PCYT1B: variants seen among roughly 807,000 people sequenced by gnomAD.
PCYT1B encodes the protein phosphate cytidylyltransferase 1B, choline.
A neutral mutation model predicts 26.4 loss-of-function variants in PCYT1B; 10 were observed. The observed-to-expected ratio is 0.38, with a 90% CI of 0.23 to 0.64. PCYT1B has a LOEUF of 0.64. Among genes scored for constraint, PCYT1B ranks in the 30% least tolerant of loss-of-function variants. The probability of loss-of-function intolerance (pLI) is 0.56; values close to 1 mark genes in which losing one functional copy is unlikely to be tolerated. For missense variants in PCYT1B, 161 were observed against 292.7 expected, an observed-to-expected ratio of 0.55 and a Z score of 3.28; for synonymous variants, 131 against 108.4, an observed-to-expected ratio of 1.21 and a Z score of -1.29.
At chrX:24,565,848 T>C (rs1256294371) in intron 7 of PCYT1B, among the ~76,000 whole-genome samples, 6 of 107,561 alleles carry the variant, frequency 5.6e-5, no homozygotes. Flanking sequence ...TTTTGCAAAG[T>C]TTACCTACAA....
chrX:24,645,003 G>A (rs1926579692), intron 1 of PCYT1B, among the ~76,000 whole-genome samples: 1 of 111,517 alleles, frequency 9.0e-6, no homozygotes, highest in Non-Finnish European at 1.9e-5. Context: ...GGTGGAGGTT[G>A]TGGTGAGCCA....
intron 1 of PCYT1B, among the ~76,000 whole-genome samples, chrX:24,660,397 G>A (rs1211932449): frequency 8.9e-6 from 1 of 112,426 alleles, no homozygotes; most frequent in African/African-American, 3.2e-5. Flanking sequence ...CACTAAGGAG[G>A]CCAGGTATGG....
At chrX:24,661,743 A>G (rs1212719927) in intron 1 of PCYT1B, among the ~76,000 whole-genome samples, 1 of 112,646 alleles carries the variant, frequency 8.9e-6, no homozygotes, top group East Asian at 2.8e-4. Context: ...CAATTGCAAT[A>G]TGTACACTGT....
chrX:24,651,472 A>AAAAAAAAAATATAT (rs1555965467), upstream of PCYT1B, among the ~76,000 whole-genome samples: 9 of 26,057 alleles, frequency 3.5e-4, no homozygotes, highest in Admixed American at 6.4e-4. Flanking sequence ...AAAAAAAAAA[A>AAAAAAAAAATATAT]ATATATATAT....
chrX:24,583,942 A>G (rs1028104786), intron 5 of PCYT1B, among the ~76,000 whole-genome samples: 1 of 112,467 alleles, frequency 8.9e-6, no homozygotes, highest in Non-Finnish European at 1.9e-5. Context: ...GATCTGAGGC[A>G]TATCTAAGTT....
At chrX:24,642,969 T>G (rs778763505) in intron 1 of PCYT1B, among the ~76,000 whole-genome samples, 1 of 112,231 alleles carries the variant, frequency 8.9e-6, no homozygotes, top group African/African-American at 3.2e-5. Context: ...CCTGCTAATG[T>G]GGCATGTTGA....
At chrX:24,665,127 T>C (rs1020972486) in intron 1 of PCYT1B, among the ~76,000 whole-genome samples, 6 of 111,444 alleles carry the variant, frequency 5.4e-5, no homozygotes, top group Admixed American at 3.8e-4. Flanking sequence ...TAATAGGCAA[T>C]GCATATGTGT....
chrX:24,596,022 T>C (rs779584376), intron 3 of PCYT1B, among the ~76,000 whole-genome samples: 57 of 112,264 alleles, frequency 5.1e-4, no homozygotes, highest in South Asian at 1.1e-3. Flanking sequence ...TCTATAGTAG[T>C]AGTAGTATGT....
At chrX:24,579,562 G>T in intron 5 of PCYT1B, 104 bp from the exon 6 acceptor site, 1 of 733,282 alleles carries the variant, frequency 1.4e-6, no homozygotes, top group Non-Finnish European at 2.1e-6. Flanking sequence ...GAGCTCCTGG[G>T]TATGCCAATG....
At chrX:24,601,611 A>C (rs765689637) in intron 3 of PCYT1B, among the ~76,000 whole-genome samples, 1 of 111,834 alleles carries the variant, frequency 8.9e-6, no homozygotes, top group African/African-American at 3.2e-5. Flanking sequence ...AAGAAAAAAA[A>C]CAGCTGGATT....
In PCYT1B at chrX:24,559,330, A is replaced by G. The variant is rs1387115900; in HGVS notation, c.*2963T>C. 3 of 108,685 alleles carry G rather than the reference A, an allele frequency of 2.8e-5. No individual in the cohort carries two copies. The highest frequency in any genetic ancestry group is 5.7e-5 in the Non-Finnish European group (3 of 52,405). The allele number at this position is 108,685 out of a possible 1,213,427, so 9.0% of individuals were successfully genotyped here. The stretch of plus-strand genomic sequence containing the variant: ...AAAACTCCATCTCAAAAAAAAAAAA[A>G]AAGAAAGAAAGAAGAAAGAACAAAG... On this transcript the variant is annotated 3_prime_UTR_variant, in exon 8 of 8. Coordinates refer to ENST00000379144, the MANE Select transcript of PCYT1B (RefSeq NM_004845.5).
chrX:24,660,605 G>C (rs1267281079), intron 1 of PCYT1B, among the ~76,000 whole-genome samples: 1 of 107,335 alleles, frequency 9.3e-6, no homozygotes, highest in Admixed American at 1.0e-4. Flanking sequence ...TTGAACCCAG[G>C]AGGTGGAGGT....
intron 2 of PCYT1B, among the ~76,000 whole-genome samples, chrX:24,608,365 C>T (rs1477865924): frequency 2.7e-5 from 3 of 111,738 alleles, no homozygotes; most frequent in Non-Finnish European, 3.8e-5. Flanking sequence ...AAGTCAGCCA[C>T]GATAGAGTGC....
intron 1 of PCYT1B, 128 bp from the exon 2 acceptor site, chrX:24,619,212 A>C: frequency 3.9e-6 from 2 of 515,059 alleles, no homozygotes; most frequent in Non-Finnish European, 7.1e-6. Context: ...ACTGAGTCTC[A>C]GAGAAATACT....
chrX:24,573,124 ACAC>A (rs1923897898), intron 7 of PCYT1B, among the ~76,000 whole-genome samples: 2 of 24,593 alleles, frequency 8.1e-5, no homozygotes, highest in South Asian at 0.011. Context: ...CCACACATAT[ACAC>A]ACACATACAC....
intron 7 of PCYT1B, among the ~76,000 whole-genome samples, chrX:24,572,536 T>G (rs1316949665): frequency 1.8e-5 from 2 of 111,867 alleles, no homozygotes; most frequent in Non-Finnish European, 3.8e-5. Context: ...GTACTGTATT[T>G]GCCGGTAATA....
chrX:24,592,131 A>G lies in PCYT1B; in HGVS notation c.335-1957T>C, dbSNP rs886778635. On this transcript the variant is annotated intron_variant, in intron 3 of 7. Transcript: ENST00000379144. ...TCAGCTTCTTTAGATTCCATATATAAGTGGTATATAAACACAAAGAAATAC... is the reference window on the plus strand; with the variant it reads ...TCAGCTTCTTTAGATTCCATATATAGGTGGTATATAAACACAAAGAAATAC... 1.2e-4 allele frequency among the ~76,000 whole-genome samples: 13 copies of G among 111,771 alleles called. No individual in the cohort carries two copies. The East Asian group carries it at 3.4e-3, about 29-fold the overall frequency.
At chrX:24,575,406 A>G (rs1337213442) in intron 6 of PCYT1B, 88 bp from the exon 7 acceptor site, 1 of 728,140 alleles carries the variant, frequency 1.4e-6, no homozygotes, top group Non-Finnish European at 1.9e-6. Context: ...TTCATATTTT[A>G]TTCCAATTTG....
chrX:24,663,693 G>C (rs1051563601), intron 1 of PCYT1B, among the ~76,000 whole-genome samples: 2 of 111,527 alleles, frequency 1.8e-5, no homozygotes, highest in African/African-American at 3.3e-5. Flanking sequence ...GGCTGGGGGG[G>C]ATGACTTGAG....
Sources: allele counts gnomAD v4.1 joint callset (sites outside exome capture counted in the v4.1 genomes callset), GRCh38; gene constraint gnomAD v4.1.1; transcripts MANE v1.5; gene names NCBI Gene and HGNC (gene_info 2026-07-23, HGNC 2026-07-21).